Variants in ADGRB3 observed in about 807,000 individuals in gnomAD.
The protein encoded by ADGRB3 is adhesion G protein-coupled receptor B3.
ADGRB3 carries 37 observed loss-of-function variants against 193.4 expected under a neutral mutation model. The ratio of observed to expected loss-of-function variants is 0.19; its 90% confidence interval spans 0.15 to 0.25. The LOEUF is 0.25. Among genes scored for constraint, ADGRB3 ranks in the 10% least tolerant of loss-of-function variants. The pLI, the probability that ADGRB3 is intolerant of heterozygous loss-of-function variation, is 1.00. For missense variants in ADGRB3, 1,637 were observed against 1,852.9 expected, an observed-to-expected ratio of 0.88 and a Z score of 2.14; for synonymous variants, 690 against 644.2, an observed-to-expected ratio of 1.07 and a Z score of -1.08.
chr6:69,168,926 C>T (rs1775200776), intron 17 of ADGRB3, among the ~76,000 whole-genome samples: 1 of 151,966 alleles, frequency 6.6e-6, no homozygotes, highest in African/African-American at 2.4e-5. Flanking sequence ...TTTTTACTAA[C>T]ATCTCAACTT....
intron 20 of ADGRB3, among the ~76,000 whole-genome samples, chr6:69,269,653 T>C (rs746875446): frequency 1.2e-4 from 19 of 152,182 alleles, no homozygotes; most frequent in Non-Finnish European, 2.5e-4. Context: ...GTGACTGATG[T>C]GCCCACAGCA....
At chr6:69,136,863 T>C (rs1010662149) in intron 17 of ADGRB3, among the ~76,000 whole-genome samples, 7 of 152,150 alleles carry the variant, frequency 4.6e-5, no homozygotes, top group Admixed American at 3.9e-4. Context: ...TGGCACTTTC[T>C]GTTTGTATAA....
chr6:68,774,666 G>T (rs1229661952), intron 3 of ADGRB3, among the ~76,000 whole-genome samples: 2 of 151,572 alleles, frequency 1.3e-5, no homozygotes, highest in African/African-American at 4.8e-5. Flanking sequence ...TCAGAAGAAG[G>T]TAATGCTTCA....
At chr6:69,117,832 T>C (rs1773577235) in intron 17 of ADGRB3, among the ~76,000 whole-genome samples, 1 of 152,220 alleles carries the variant, frequency 6.6e-6, no homozygotes, top group Non-Finnish European at 1.5e-5. Flanking sequence ...ACACTTTTTC[T>C]TCACTACTGC....
chr6:68,878,046 C>A (rs1246275163), intron 3 of ADGRB3, among the ~76,000 whole-genome samples: 1 of 152,034 alleles, frequency 6.6e-6, no homozygotes, highest in African/African-American at 2.4e-5. Context: ...GTCAGCTTTT[C>A]TACAACTATA....
At chr6:68,638,628 A>G in intron 2 of ADGRB3, 33 bp from the exon 3 acceptor site, 1 of 1,552,530 alleles carries the variant, frequency 6.4e-7, no homozygotes, top group Non-Finnish European at 8.7e-7. Flanking sequence ...GTAGACTCCT[A>G]CTTGCATTTT....
intron 31 of ADGRB3, among the ~76,000 whole-genome samples, chr6:69,386,954 A>G (rs1770084774): frequency 1.3e-5 from 2 of 152,038 alleles, no homozygotes; most frequent in Non-Finnish European, 2.9e-5. Flanking sequence ...TATAGCTACT[A>G]TATATTGAGT....
chr6:69,069,320 A>G (rs1441349988), intron 16 of ADGRB3, among the ~76,000 whole-genome samples: 1 of 151,934 alleles, frequency 6.6e-6, no homozygotes, highest in Non-Finnish European at 1.5e-5. Flanking sequence ...AAGACATGAC[A>G]CTGAAATGGG....
At chr6:69,080,258 A>G (rs958645302) in intron 17 of ADGRB3, among the ~76,000 whole-genome samples, 3 of 152,034 alleles carry the variant, frequency 2.0e-5, no homozygotes, top group Admixed American at 6.6e-5. Flanking sequence ...TGATATATCT[A>G]TACATTAGGA....
intron 17 of ADGRB3, among the ~76,000 whole-genome samples, chr6:69,085,885 T>A (rs1398642552): frequency 2.0e-5 from 3 of 151,742 alleles, no homozygotes; most frequent in Non-Finnish European, 2.9e-5. Flanking sequence ...TTAAAGAAAA[T>A]TATTTTAAGG....
intron 3 of ADGRB3, among the ~76,000 whole-genome samples, chr6:68,839,401 G>A (rs1233509558): frequency 1.3e-5 from 2 of 152,140 alleles, no homozygotes; most frequent in African/African-American, 2.4e-5. Flanking sequence ...CAAAAGAGCC[G>A]TATGCCAAAA....
intron 3 of ADGRB3, among the ~76,000 whole-genome samples, chr6:68,784,215 A>C (rs971537103): frequency 1.3e-5 from 2 of 152,138 alleles, no homozygotes; most frequent in Non-Finnish European, 2.9e-5. Context: ...AAAAGAGAGC[A>C]GTAGAAAGGT....
chr6:68,680,492 T>G (rs1764875802), intron 3 of ADGRB3, among the ~76,000 whole-genome samples: 1 of 152,184 alleles, frequency 6.6e-6, no homozygotes, highest in South Asian at 2.1e-4. Flanking sequence ...TAGAGCATTT[T>G]GGACTCTTCA....
intron 17 of ADGRB3, among the ~76,000 whole-genome samples, chr6:69,136,344 C>T (rs1441073128): frequency 6.6e-6 from 1 of 151,908 alleles, no homozygotes; most frequent in African/African-American, 2.4e-5. Flanking sequence ...ATGATGATAA[C>T]CTCAAAAAAA....
intron 3 of ADGRB3, among the ~76,000 whole-genome samples, chr6:68,681,797 A>G (rs1164980383): frequency 2.0e-5 from 3 of 152,160 alleles, no homozygotes; most frequent in Admixed American, 2.0e-4. Flanking sequence ...AATCCAACAG[A>G]GATTCAATAG....
At chr6:68,879,248 G>A (rs1238260294) in intron 3 of ADGRB3, among the ~76,000 whole-genome samples, 5 of 111,144 alleles carry the variant, frequency 4.5e-5, no homozygotes, top group Admixed American at 1.3e-4. Context: ...ACAGAGTCTC[G>A]CTCTATCCCC....
At chr6:68,742,648 A>C (rs2127342474) in intron 3 of ADGRB3, among the ~76,000 whole-genome samples, 1 of 152,262 alleles carries the variant, frequency 6.6e-6, no homozygotes, top group Admixed American at 6.5e-5. Context: ...GTTAGAATAA[A>C]GGAGAGGTGA....
At chr6:68,906,268 G>A (rs1466357437) in intron 3 of ADGRB3, among the ~76,000 whole-genome samples, 1 of 150,144 alleles carries the variant, frequency 6.7e-6, no homozygotes, top group Non-Finnish European at 1.5e-5. Flanking sequence ...ATTGTTGCTT[G>A]TGGCCTACAA....
At chr6:68,690,727 C>G (rs964471152) in intron 3 of ADGRB3, among the ~76,000 whole-genome samples, 5 of 152,090 alleles carry the variant, frequency 3.3e-5, no homozygotes, top group Non-Finnish European at 1.5e-5. Context: ...TAACAGCTAC[C>G]TACTATAAGG....
Sources: gnomAD v4.1 joint callset for allele counts (sites outside exome capture counted in the v4.1 genomes callset) on GRCh38, gnomAD v4.1.1 for gene constraint, MANE v1.5 for transcripts, NCBI Gene and HGNC (gene_info 2026-07-23, HGNC 2026-07-21) for gene names.